Variants in DYNLL1 observed in about 807,000 individuals in gnomAD.
The protein encoded by DYNLL1 is dynein light chain LC8-type 1.
Under a neutral mutation model 10.1 loss-of-function variants are expected in DYNLL1, and 3 were observed. That is an observed-to-expected ratio of 0.30 (90% CI 0.14 to 0.77). The LOEUF (loss-of-function observed/expected upper bound fraction) is 0.77. Among genes scored for constraint, DYNLL1 ranks in the 30% least tolerant of loss-of-function variants. The pLI, the probability that DYNLL1 is intolerant of heterozygous loss-of-function variation, is 0.66. For synonymous variants in DYNLL1, 46 were observed against 41.2 expected (o/e 1.12, Z -0.45); for missense variants, 47 against 111.7 (o/e 0.42, Z 2.61).
At chr12:120,482,397 G>C (rs142529552) in intron 1 of DYNLL1, among the ~76,000 whole-genome samples, 1 of 151,112 alleles carries the variant, frequency 6.6e-6, no homozygotes, top group Non-Finnish European at 1.5e-5. Context: ...ATCTCGGCTC[G>C]CTGCAAGCTC....
intron 1 of DYNLL1, among the ~76,000 whole-genome samples, chr12:120,479,468 A>ATAATAATAAT (rs1272081996): frequency 9.1e-5 from 10 of 109,600 alleles, no homozygotes; most frequent in African/African-American, 3.4e-4. Flanking sequence ...AAAAAAAAAA[A>ATAATAATAAT]AATAATAATA....
chr12:120,487,353 C>A (rs1271960571), intron 1 of DYNLL1, among the ~76,000 whole-genome samples: 1 of 119,582 alleles, frequency 8.4e-6, no homozygotes, highest in Non-Finnish European at 1.6e-5. Flanking sequence ...AGTGCAGTGG[C>A]GCGATCTCGG....
At chr12:120,482,139 C>G (rs951536880) in intron 1 of DYNLL1, among the ~76,000 whole-genome samples, 3 of 152,182 alleles carry the variant, frequency 2.0e-5, no homozygotes, top group African/African-American at 7.2e-5. Flanking sequence ...TACAGAGAAG[C>G]CAGGGCACTG....
intron 1 of DYNLL1, among the ~76,000 whole-genome samples, chr12:120,485,618 T>A (rs1014762585): frequency 6.6e-6 from 1 of 151,292 alleles, no homozygotes; most frequent in African/African-American, 2.4e-5. Context: ...GGTGGGAGGA[T>A]TGCTTGAGCC....
At chr12:120,496,601 C>A (rs766701426) in intron 2 of DYNLL1, 48 bp downstream of exon 2, 8 of 1,613,638 alleles carry the variant, frequency 5.0e-6, no homozygotes, top group Non-Finnish European at 6.8e-6. Context: ...CAGGGGGTTC[C>A]TTCCCCCCGA....
intron 1 of DYNLL1, among the ~76,000 whole-genome samples, chr12:120,484,976 G>A (rs1355700374): frequency 6.6e-6 from 1 of 152,200 alleles, no homozygotes; most frequent in Non-Finnish European, 1.5e-5. Flanking sequence ...CTGACCGCAA[G>A]TGATCCAACC....
chr12:120,496,283 T>G (rs2137071026), intron 1 of DYNLL1, 67 bp downstream of exon 1: 1 of 1,366,166 alleles, frequency 7.3e-7, no homozygotes, highest in East Asian at 2.5e-5. Flanking sequence ...GACTTAGCCC[T>G]CCGCGTAGCC....
At chr12:120,492,247 C>T (rs1414102373), upstream of DYNLL1, 4 of 152,182 alleles carry the variant, frequency 2.6e-5, no homozygotes, top group Admixed American at 2.0e-4. The surrounding 1 kb of genome is among the most constrained non-coding windows in gnomAD (Gnocchi z 4.1). Context: ...TATACCGTGG[C>T]TAGGTCTCTA....
At chr12:120,469,984 A>C (rs1878606035) in exon 1 of DYNLL1, 1 of 161,994 alleles carries the variant, frequency 6.2e-6, no homozygotes, top group South Asian at 2.0e-4. Flanking sequence ...TACCTCACAG[A>C]CTTGTGAGCA....
At chr12:120,482,856 A>C (rs1393529909) in intron 1 of DYNLL1, among the ~76,000 whole-genome samples, 1 of 152,020 alleles carries the variant, frequency 6.6e-6, no homozygotes, top group African/African-American at 2.4e-5. Flanking sequence ...AGGCAGGAGG[A>C]TTGCTTGAGT....
intron 1 of DYNLL1, among the ~76,000 whole-genome samples, chr12:120,482,098 C>T (rs1433084424): frequency 6.6e-6 from 1 of 152,192 alleles, no homozygotes; most frequent in Non-Finnish European, 1.5e-5. Context: ...TTTTTCCTCC[C>T]AGACACTGTC....
chr12:120,472,112 C>T (rs749328148), intron 1 of DYNLL1, among the ~76,000 whole-genome samples: 10 of 151,766 alleles, frequency 6.6e-5, no homozygotes, highest in Non-Finnish European at 1.3e-4. Context: ...CAGTAATTTA[C>T]AGTTAAAGTG....
At chr12:120,471,825 A>T (rs1332495169) in intron 1 of DYNLL1, among the ~76,000 whole-genome samples, 1 of 151,974 alleles carries the variant, frequency 6.6e-6, no homozygotes, top group Non-Finnish European at 1.5e-5. Context: ...GTTAGCCAGG[A>T]TGATCTCAAT....
chr12:120,479,978 G>A (rs545392910), intron 1 of DYNLL1, among the ~76,000 whole-genome samples: 60 of 152,276 alleles, frequency 3.9e-4, no homozygotes, highest in African/African-American at 1.3e-3. Context: ...GATTGTAAAG[G>A]GGTGGCATGA....
At chr12:120,496,045 G>GCA (rs1868372077), upstream of DYNLL1, 4 of 360,428 alleles carry the variant, frequency 1.1e-5, no homozygotes, top group Non-Finnish European at 2.1e-5. Context: ...CGCGCGGCGA[G>GCA]GGGCGGGGCC....
intron 1 of DYNLL1, among the ~76,000 whole-genome samples, chr12:120,482,707 A>G (rs1878908786): frequency 6.6e-6 from 1 of 152,182 alleles, no homozygotes; most frequent in Admixed American, 6.5e-5. Flanking sequence ...CAGAGGACTC[A>G]CATACTCACA....
chr12:120,487,692 C>G (rs970100566), intron 1 of DYNLL1, among the ~76,000 whole-genome samples: 6 of 152,090 alleles, frequency 3.9e-5, no homozygotes, highest in African/African-American at 1.4e-4. Flanking sequence ...GATATAGAGG[C>G]AGGACAAACT....
chr12:120,490,119 CTGCTA>C (rs1191697432), intron 1 of DYNLL1, among the ~76,000 whole-genome samples: 12 of 152,310 alleles, frequency 7.9e-5, no homozygotes, highest in African/African-American at 2.9e-4. Flanking sequence ...CTTTATTCTC[CTGCTA>C]TAAGTTCCAT....
At chr12:120,477,914 A>G (rs887977523) in intron 1 of DYNLL1, among the ~76,000 whole-genome samples, 6 of 151,698 alleles carry the variant, frequency 4.0e-5, no homozygotes, top group African/African-American at 7.3e-5. Context: ...CTCCTGCCTC[A>G]GTAGCTGAGA....
Sources: gnomAD v4.1 joint callset for allele counts (sites outside exome capture counted in the v4.1 genomes callset) on GRCh38, gnomAD v4.1.1 for gene constraint, Gnocchi (gnomAD v3.1) non-coding constraint, MANE v1.5 for transcripts, NCBI Gene and HGNC (gene_info 2026-07-23, HGNC 2026-07-21) for gene names.